Variants in SLC36A1 observed in about 807,000 individuals in gnomAD.
The protein encoded by SLC36A1 is proton-coupled amino acid transporter 1.
A neutral mutation model predicts 47.5 loss-of-function variants in SLC36A1; 30 were observed. The observed-to-expected ratio is 0.63, with a 90% confidence interval of 0.47 to 0.86. The LOEUF is 0.86. SLC36A1 is among the 40% of genes least tolerant of loss of function. The probability of loss-of-function intolerance (pLI) is 0.00; values close to 1 mark genes in which losing one functional copy is unlikely to be tolerated. For missense variants in SLC36A1, 517 were observed against 606.0 expected, an observed-to-expected ratio of 0.85 and a Z score of 1.54; for synonymous variants, 255 against 249.7, an observed-to-expected ratio of 1.02 and a Z score of -0.20.
chr5:151,500,326 C>T, the SLC36A1 span, among the ~76,000 whole-genome samples: 2 of 152,110 alleles, frequency 1.3e-5, no homozygotes, highest in Non-Finnish European at 2.9e-5. Flanking sequence ...TCGGTTTCTC[C>T]ATTTGTAAAT....
At chr5:151,546,416 C>T in the SLC36A1 span, 1 of 1,104,928 alleles carries the variant, frequency 9.1e-7, no homozygotes, top group Non-Finnish European at 1.3e-6. Context: ...AGTAAAGGGT[C>T]TATCACACAA....
At chr5:151,358,463 A>G in the SLC36A1 span, among the ~76,000 whole-genome samples, 1 of 152,034 alleles carries the variant, frequency 6.6e-6, no homozygotes, top group African/African-American at 2.4e-5. Context: ...GGATCTTGCT[A>G]TGTTACTCAG....
At chr5:151,462,994 ACCT>A (rs1320269552) in intron 2 of SLC36A1, among the ~76,000 whole-genome samples, 2 of 149,168 alleles carry the variant, frequency 1.3e-5, no homozygotes, top group African/African-American at 4.9e-5. Flanking sequence ...TCCTACCTTA[ACCT>A]CCTGAGAAGC....
chr5:151,522,570 C>T, the SLC36A1 span, among the ~76,000 whole-genome samples: 2 of 152,170 alleles, frequency 1.3e-5, no homozygotes, highest in South Asian at 2.1e-4. Flanking sequence ...AGTCAGTCAA[C>T]GAAGTCTTCT....
chr5:151,547,082 T>G, the SLC36A1 span, among the ~76,000 whole-genome samples: 1 of 152,312 alleles, frequency 6.6e-6, no homozygotes, highest in Non-Finnish European at 1.5e-5. Flanking sequence ...ATTAACTCAC[T>G]CAAATTTTGA....
At chr5:151,346,679 G>A in the SLC36A1 span, among the ~76,000 whole-genome samples, 7 of 152,174 alleles carry the variant, frequency 4.6e-5, no homozygotes, top group Non-Finnish European at 1.0e-4. Context: ...TGTGGGGAAG[G>A]GAGCTGCAGC....
chr5:151,493,216 A>G (rs1760240843), downstream of SLC36A1, among the ~76,000 whole-genome samples: 3 of 152,320 alleles, frequency 2.0e-5, no homozygotes, highest in South Asian at 4.1e-4. Flanking sequence ...CTCTCACTCA[A>G]TACATTTCCC....
chr5:151,467,411 A>G (rs1581145166), intron 6 of SLC36A1, 128 bp downstream of exon 6: 2 of 698,052 alleles, frequency 2.9e-6, no homozygotes, highest in East Asian at 5.3e-5. Flanking sequence ...AAGTTTTCAT[A>G]TTTTACATAG....
chr5:151,462,373 T>TC (rs1755647970), intron 2 of SLC36A1, among the ~76,000 whole-genome samples: 1 of 147,290 alleles, frequency 6.8e-6, no homozygotes, highest in Non-Finnish European at 1.5e-5. Context: ...ATTTTTTTTT[T>TC]CTTTTTTTTT....
the SLC36A1 span, chr5:151,525,770 G>A: frequency 6.2e-7 from 1 of 1,614,152 alleles, no homozygotes; most frequent in Non-Finnish European, 8.5e-7. Context: ...GCTCTCACCT[G>A]GATCTGAAGC....
chr5:151,449,917 G>A (rs1414515111), intron 1 of SLC36A1, among the ~76,000 whole-genome samples: 2 of 148,652 alleles, frequency 1.3e-5, no homozygotes, highest in African/African-American at 5.0e-5. Flanking sequence ...AGAGTGGATG[G>A]AGCAGATGTC....
chr5:151,493,185 T>C (rs955120784), downstream of SLC36A1, among the ~76,000 whole-genome samples: 6 of 152,188 alleles, frequency 3.9e-5, no homozygotes, highest in African/African-American at 1.4e-4. Flanking sequence ...GAAAACACAC[T>C]TAAGGCTTAA....
At chr5:151,511,877 G>A in the SLC36A1 span, 1 of 441,594 alleles carries the variant, frequency 2.3e-6, no homozygotes. Context: ...ATAGACCAGT[G>A]ATGACACTAA....
the SLC36A1 span, among the ~76,000 whole-genome samples, chr5:151,353,139 T>C: frequency 6.6e-6 from 1 of 152,204 alleles, no homozygotes; most frequent in Non-Finnish European, 1.5e-5. Context: ...AACATATGTG[T>C]TGAAAACCAT....
the SLC36A1 span, chr5:151,382,136 G>A: frequency 1.1e-6 from 1 of 910,150 alleles, no homozygotes; most frequent in South Asian, 1.4e-5. Flanking sequence ...ACCCTTTCAA[G>A]CACAGTGCAG....
Position 151,461,154 on chromosome 5 carries a change from A to G in SLC36A1, c.143+2219A>G, listed in dbSNP as rs932063552. The stretch of plus-strand genomic sequence containing the variant: ...AGGCATGCTCCTGGCTACTTTTTGT[A>G]TTTTTTTTTTTTTTTTTGTAGAGAT... On this transcript the variant is annotated intron_variant, in intron 2 of 10. Coordinates refer to ENST00000243389, the MANE Select transcript of SLC36A1 (RefSeq NM_078483.4). 6.4e-5 allele frequency among the ~76,000 whole-genome samples: 8 copies of G among 125,594 alleles called. No homozygotes were observed. The Admixed American group carries it at 6.5e-4, about 10-fold the overall frequency. The allele number at this position is 125,594 out of a possible 152,430, so 82.4% of individuals were successfully genotyped here. A position where few individuals can be genotyped will look rare whatever the true frequency, so the allele number is the denominator to read the frequency against.
chr5:151,353,092 G>A, the SLC36A1 span, among the ~76,000 whole-genome samples: 50 of 152,198 alleles, frequency 3.3e-4, no homozygotes, highest in Admixed American at 3.3e-3. Flanking sequence ...GCTTTTACAA[G>A]GGCTATGGGA....
chr5:151,465,133 C>A lies in SLC36A1; in HGVS notation c.383C>A (p.Pro128His). 1 of 1,614,200 alleles carries A rather than the reference C, an allele frequency of 6.2e-7. No homozygotes were observed. The highest frequency in any genetic ancestry group is 2.2e-5 in the East Asian group (1 of 44,888). Residue 128 changes from proline (P) to histidine (H), a missense_variant, in exon 5 of 11, where the codon CCC becomes CAC. By Grantham distance (77) the Pro-to-His change is moderately conservative. Transcript: ENST00000243389. The part of the protein sequence containing the change: ...DTVMYGLESS[P>H]CSWLRNHAHW... ...GTGATGTATGGACTAGAATCCAGCC[C>A]CTGCTCCTGGCTCCGGAACCACGCA...
the SLC36A1 span, among the ~76,000 whole-genome samples, chr5:151,350,608 A>C: frequency 4.6e-5 from 7 of 151,946 alleles, no homozygotes; most frequent in African/African-American, 1.7e-4. Context: ...ATTTCTCTCC[A>C]TTAAAAACCT....
Sources: allele counts gnomAD v4.1 joint callset (sites outside exome capture counted in the v4.1 genomes callset), GRCh38; gene constraint gnomAD v4.1.1; transcripts MANE v1.5; gene names NCBI Gene and HGNC (gene_info 2026-07-23, HGNC 2026-07-21).